PDZD2: variants seen among roughly 807,000 people sequenced by gnomAD.
The protein encoded by PDZD2 is PDZ domain-containing protein 2.
A neutral mutation model predicts 220.7 loss-of-function variants in PDZD2; 90 were observed. The observed-to-expected ratio is 0.41, with a 90% CI of 0.34 to 0.49. The LOEUF (loss-of-function observed/expected upper bound fraction) is 0.49, where lower values mean the gene tolerates loss of function less well. Among genes scored for constraint, PDZD2 ranks in the 20% least tolerant of loss-of-function variants. PDZD2 has a pLI of 0.28. For synonymous variants in PDZD2, 1,375 were observed against 1,450.5 expected (o/e 0.95, Z 1.18); for missense variants, 3,174 against 3,608.5 (o/e 0.88, Z 3.08).
chr5:31,992,862 T>C (rs1424399345), intron 3 of PDZD2, among the ~76,000 whole-genome samples: 7 of 54,448 alleles, frequency 1.3e-4, no homozygotes, highest in Non-Finnish European at 3.9e-4. Context: ...GCCTCTTCCA[T>C]GGAAAAAAAA....
intron 2 of PDZD2, among the ~76,000 whole-genome samples, chr5:31,941,957 CTGTGGGT>C (rs1746249235): frequency 1.3e-5 from 2 of 152,128 alleles, no homozygotes; most frequent in African/African-American, 4.8e-5. Context: ...TTTTTTAATT[CTGTGGGT>C]TCTTCATCTA....
rs140802089 is a variant in PDZD2 at position 32,091,547 on chromosome 5, T to A, written c.7727+372T>A. On this transcript the variant is annotated intron_variant, in intron 20 of 24. Coordinates refer to ENST00000438447, the MANE Select transcript of PDZD2 (RefSeq NM_178140.4). The stretch of plus-strand genomic sequence containing the variant: ...ATCCGCCTGCCTCGGCCTCCCAAAG[T>A]GCCGGGATTACAGGTGTGAGCCACT... Among the ~76,000 whole-genome samples the A allele has an allele frequency of 1.2e-4, 18 of 152,276 alleles. No individual in the cohort carries two copies. The East Asian group carries it at 3.5e-3, about 29-fold the overall frequency.
At chr5:31,894,202 C>T (rs939361409) in intron 2 of PDZD2, among the ~76,000 whole-genome samples, 1 of 151,794 alleles carries the variant, frequency 6.6e-6, no homozygotes, top group South Asian at 2.1e-4. Flanking sequence ...CGTGAGCCAC[C>T]GTGCTCGGCC....
At chr5:31,996,441 C>T (rs1751645682) in intron 4 of PDZD2, among the ~76,000 whole-genome samples, 1 of 151,890 alleles carries the variant, frequency 6.6e-6, no homozygotes, top group Non-Finnish European at 1.5e-5. Flanking sequence ...AAAATAGCAG[C>T]TGGGTGCGCC....
chr5:31,944,489 C>T (rs1220455468), intron 2 of PDZD2, among the ~76,000 whole-genome samples: 1 of 152,196 alleles, frequency 6.6e-6, no homozygotes, highest in East Asian at 1.9e-4. Context: ...CTCTGTTTTC[C>T]AAACTCACTT....
intron 1 of PDZD2, among the ~76,000 whole-genome samples, chr5:31,640,076 T>A (rs1457152100): frequency 1.3e-5 from 2 of 152,164 alleles, no homozygotes. Context: ...GGTTTCTCCC[T>A]CCCTCTGTTC....
intron 5 of PDZD2, among the ~76,000 whole-genome samples, chr5:32,003,578 G>A (rs1752565829): frequency 6.6e-6 from 1 of 151,792 alleles, no homozygotes; most frequent in South Asian, 2.1e-4. Flanking sequence ...TGTTTCATTT[G>A]CACAGCCCAC....
intron 2 of PDZD2, among the ~76,000 whole-genome samples, chr5:31,823,663 A>G (rs10059443): frequency 0.51 from 77,759 of 152,000 alleles, 20,931 homozygotes; most frequent in Non-Finnish European, 0.61. Flanking sequence ...TCAGGCCTAC[A>G]ACCACAAAGA....
At chr5:31,791,590 CAAAAA>C (rs1157216997) in intron 1 of PDZD2, among the ~76,000 whole-genome samples, 4 of 50,442 alleles carry the variant, frequency 7.9e-5, no homozygotes, top group African/African-American at 2.6e-4. Context: ...AACTCCGTCT[CAAAAA>C]AAAAAAAAAA....
chr5:31,788,640 T>TG (rs1217481516), intron 1 of PDZD2, among the ~76,000 whole-genome samples: 1 of 152,234 alleles, frequency 6.6e-6, no homozygotes, highest in Admixed American at 6.5e-5. Context: ...CACTCCAGCC[T>TG]GGGTGACAAA....
At chr5:31,777,049 T>C (rs1269198698) in intron 1 of PDZD2, among the ~76,000 whole-genome samples, 14 of 152,140 alleles carry the variant, frequency 9.2e-5, no homozygotes, top group Admixed American at 9.2e-4. Context: ...GGAGCCCCTC[T>C]CTGGGCTGGC....
At chr5:31,685,281 T>A (rs1442586553) in intron 1 of PDZD2, among the ~76,000 whole-genome samples, 1 of 151,382 alleles carries the variant, frequency 6.6e-6, no homozygotes, top group African/African-American at 2.4e-5. Flanking sequence ...TATAGATTAA[T>A]TTGAAGTAAA....
chr5:31,753,117 T>C (rs1751106305), intron 1 of PDZD2, among the ~76,000 whole-genome samples: 1 of 152,208 alleles, frequency 6.6e-6, no homozygotes, highest in Non-Finnish European at 1.5e-5. Context: ...AATAATTAAA[T>C]GTCTATGAGG....
rs150982010 is a variant in PDZD2 at position 31,856,881 on chromosome 5, T to A, written c.476+57157T>A. ...GATTTTCATTCCGGAATCAGACTTA[T>A]AGCGTGAGCTTCCCTCCTTATCAAA... On this transcript the variant is annotated intron_variant, in intron 2 of 24. Coordinates refer to ENST00000438447, the MANE Select transcript of PDZD2 (RefSeq NM_178140.4). Among the ~76,000 whole-genome samples the A allele has an allele frequency of 1.0e-4, 15 of 149,572 alleles. No homozygotes were observed. The South Asian group carries it at 3.2e-3, about 32-fold the overall frequency.
chr5:31,813,676 T>C (rs890922174), intron 2 of PDZD2, among the ~76,000 whole-genome samples: 2 of 152,100 alleles, frequency 1.3e-5, no homozygotes, highest in African/African-American at 4.8e-5. Context: ...TCAAAATAGC[T>C]AAAATAATAC....
chr5:31,790,675 C>T (rs949389925), intron 1 of PDZD2, among the ~76,000 whole-genome samples: 2 of 149,138 alleles, frequency 1.3e-5, no homozygotes, highest in Non-Finnish European at 1.5e-5. Flanking sequence ...ACTTAGAATC[C>T]GCACCTATCT....
At chr5:31,776,820 A>AT (rs35551016) in intron 1 of PDZD2, among the ~76,000 whole-genome samples, 73,765 of 142,794 alleles carry the variant, frequency 0.52, 19,124 homozygotes, top group Middle Eastern at 0.59. Flanking sequence ...TGCTTGGTTA[A>AT]TTTTTTTTTT....
At chr5:31,970,586 G>A (rs1342109217) in intron 2 of PDZD2, among the ~76,000 whole-genome samples, 3 of 151,990 alleles carry the variant, frequency 2.0e-5, no homozygotes, top group Non-Finnish European at 4.4e-5. Context: ...AACCTGGGAG[G>A]TGGAAGATGC....
At chr5:32,035,010 C>T (rs551445595) in intron 6 of PDZD2, among the ~76,000 whole-genome samples, 47 of 152,276 alleles carry the variant, frequency 3.1e-4, no homozygotes, top group Admixed American at 9.8e-4. Context: ...AGATTTATTA[C>T]CTTTGTTTTG....
Sources: allele counts gnomAD v4.1 joint callset (sites outside exome capture counted in the v4.1 genomes callset), GRCh38; gene constraint gnomAD v4.1.1; transcripts MANE v1.5; gene names NCBI Gene and HGNC (gene_info 2026-07-23, HGNC 2026-07-21).